ATRNL1: variants seen among roughly 807,000 people sequenced by gnomAD.
The protein encoded by ATRNL1 is attractin like 1.
ATRNL1 carries 95 observed loss-of-function variants against 182.7 expected under a neutral mutation model. That is an observed-to-expected ratio of 0.52 (90% confidence interval 0.44 to 0.62). The LOEUF (loss-of-function observed/expected upper bound fraction) is 0.62. ATRNL1 is among the 20% of genes least tolerant of loss of function. The probability of loss-of-function intolerance (pLI) is 0.00; values close to 1 mark genes in which losing one functional copy is unlikely to be tolerated. For missense variants in ATRNL1, 1,471 were observed against 1,679.5 expected (o/e 0.88, Z 2.17); for synonymous variants, 576 against 568.3 (o/e 1.01, Z -0.19).
intron 24 of ATRNL1, among the ~76,000 whole-genome samples, chr10:115,517,952 T>A (rs1406886646): frequency 6.6e-6 from 1 of 151,934 alleles, no homozygotes; most frequent in Non-Finnish European, 1.5e-5. Context: ...CCTATGCCAA[T>A]TATCTTTCTT....
chr10:115,869,110 T>A (rs113439167), intron 28 of ATRNL1, among the ~76,000 whole-genome samples: 500 of 152,282 alleles, frequency 3.3e-3, no homozygotes, highest in African/African-American at 0.01. Flanking sequence ...ATTACAGGCG[T>A]GAGCCACCGC....
At chr10:115,750,254 T>C (rs575966519) in intron 27 of ATRNL1, among the ~76,000 whole-genome samples, 3 of 151,846 alleles carry the variant, frequency 2.0e-5, no homozygotes, top group Non-Finnish European at 2.9e-5. Context: ...TAAGTAGTTT[T>C]ATAATAAAAT....
intron 27 of ATRNL1, among the ~76,000 whole-genome samples, chr10:115,797,057 C>T (rs782335764): frequency 6.6e-6 from 1 of 152,050 alleles, no homozygotes; most frequent in African/African-American, 2.4e-5. Context: ...TGGACTGAAG[C>T]ATTACATAGG....
At chr10:115,118,702 C>G (rs1173763406) in intron 1 of ATRNL1, among the ~76,000 whole-genome samples, 1 of 152,156 alleles carries the variant, frequency 6.6e-6, no homozygotes, top group Non-Finnish European at 1.5e-5. Context: ...GCACTCTCAA[C>G]CTTTTGGCAG....
chr10:115,279,476 T>C (rs1852259633), intron 13 of ATRNL1, among the ~76,000 whole-genome samples: 2 of 152,076 alleles, frequency 1.3e-5, no homozygotes, highest in Admixed American at 1.3e-4. Flanking sequence ...CAATAGGAGG[T>C]GTCATCTGTT....
chr10:115,238,455 G>A (rs1412964421), intron 9 of ATRNL1, among the ~76,000 whole-genome samples: 5 of 151,962 alleles, frequency 3.3e-5, no homozygotes, highest in African/African-American at 1.2e-4. Flanking sequence ...TACCAGTCTT[G>A]TACATATTTT....
intron 5 of ATRNL1, among the ~76,000 whole-genome samples, chr10:115,135,847 AT>A (rs113514304): frequency 2.0e-5 from 3 of 150,328 alleles, no homozygotes; most frequent in South Asian, 2.1e-4. Flanking sequence ...CTTGTGTGTC[AT>A]TTTTTTTTCT....
chr10:115,719,751 AC>A (rs1387536157), intron 26 of ATRNL1, among the ~76,000 whole-genome samples: 13 of 152,112 alleles, frequency 8.5e-5, no homozygotes, highest in Admixed American at 8.5e-4. Context: ...ATCCAGAGAT[AC>A]AAAGCTTAAC....
intron 10 of ATRNL1, among the ~76,000 whole-genome samples, chr10:115,264,903 G>A (rs183186554): frequency 6.1e-4 from 93 of 151,544 alleles, no homozygotes; most frequent in African/African-American, 2.1e-3. Flanking sequence ...ATATGTCTTC[G>A]AAATTATCTT....
At chr10:115,337,699 A>C (rs1298894331) in intron 19 of ATRNL1, among the ~76,000 whole-genome samples, 1 of 152,120 alleles carries the variant, frequency 6.6e-6, no homozygotes, top group Admixed American at 6.5e-5. Flanking sequence ...CTCCAGTTCT[A>C]TCCATGTTGT....
At chr10:115,362,528 T>G (rs1020128742) in intron 19 of ATRNL1, among the ~76,000 whole-genome samples, 15 of 152,026 alleles carry the variant, frequency 9.9e-5, no homozygotes, top group African/African-American at 3.4e-4. Flanking sequence ...TGTTTTTTTT[T>G]TTTTATTATA....
intron 28 of ATRNL1, among the ~76,000 whole-genome samples, chr10:115,904,141 A>G (rs1952433357): frequency 1.3e-5 from 2 of 152,122 alleles, no homozygotes; most frequent in African/African-American, 2.4e-5. Flanking sequence ...GACCAATGGA[A>G]AGTCCTCAAG....
rs148409707 is a variant in ATRNL1, at chr10:115,138,301, C to A, written c.829+8766C>A. 2.2e-4 allele frequency among the ~76,000 whole-genome samples: 34 copies of A among 152,340 alleles called. No homozygotes were observed. In the East Asian group the frequency reaches 5.8e-3, roughly 26 times the overall value. On this transcript the variant is annotated intron_variant, in intron 5 of 28. Coordinates refer to ENST00000355044, the MANE Select transcript of ATRNL1 (RefSeq NM_207303.4). The stretch of plus-strand genomic sequence containing the variant: ...TACTGGGGTCTTGAGGACAGTGGCC[C>A]TCTTCTCACAGCTCCACTAGGTGGT...
At chr10:115,670,222 G>A (rs1346884987) in intron 26 of ATRNL1, among the ~76,000 whole-genome samples, 1 of 152,078 alleles carries the variant, frequency 6.6e-6, no homozygotes, top group Non-Finnish European at 1.5e-5. Flanking sequence ...CAGTTATGGT[G>A]AGGATTAAGA....
chr10:115,312,308 C>A lies in ATRNL1; in HGVS notation c.2819-3210C>A, dbSNP rs1180600003. Among the ~76,000 whole-genome samples the A allele has an allele frequency of 2.0e-5, 3 of 152,098 alleles. No homozygotes were observed. In the East Asian group the frequency reaches 5.8e-4, roughly 29 times the overall value. The stretch of plus-strand genomic sequence containing the variant: ...TCTTGTAGGGCTGGTCTGGTAGTGA[C>A]AAAATCCTTAGCATTTGCTTGTCTG... On this transcript the variant is annotated intron_variant, in intron 17 of 28. Coordinates refer to ENST00000355044, the MANE Select transcript of ATRNL1 (RefSeq NM_207303.4).
intron 26 of ATRNL1, among the ~76,000 whole-genome samples, chr10:115,655,442 C>A (rs72824799): frequency 6.6e-6 from 1 of 152,026 alleles, no homozygotes; most frequent in South Asian, 2.1e-4. Flanking sequence ...CTTCATAGAT[C>A]GACATGAACA....
At chr10:115,869,852 A>G (rs977332243) in intron 28 of ATRNL1, among the ~76,000 whole-genome samples, 2 of 152,042 alleles carry the variant, frequency 1.3e-5, no homozygotes, top group Middle Eastern at 3.2e-3. Context: ...TCTCCATGTC[A>G]TTAAAAATTA....
chr10:115,107,699 T>C (rs1239226272), intron 1 of ATRNL1, among the ~76,000 whole-genome samples: 8 of 152,244 alleles, frequency 5.3e-5, no homozygotes, highest in Non-Finnish European at 1.0e-4. Context: ...TACATTGAGG[T>C]AGCCGCATCT....
chr10:115,170,366 G>A (rs1420062815), intron 7 of ATRNL1, among the ~76,000 whole-genome samples: 1 of 152,014 alleles, frequency 6.6e-6, no homozygotes, highest in Non-Finnish European at 1.5e-5. Context: ...TCCATCATAT[G>A]CATTTGAAAT....
Sources: gnomAD v4.1 joint callset for allele counts (sites outside exome capture counted in the v4.1 genomes callset) on GRCh38, gnomAD v4.1.1 for gene constraint, MANE v1.5 for transcripts, NCBI Gene and HGNC (gene_info 2026-07-23, HGNC 2026-07-21) for gene names.